CATSPERT: variants seen among roughly 807,000 people sequenced by gnomAD.
CATSPERT encodes catsper channel auxiliary subunit tau.
chr2:201,563,473 C>CCT, the CATSPERT span, among the ~76,000 whole-genome samples: 3 of 110,534 alleles, frequency 2.7e-5, no homozygotes, highest in East Asian at 1.2e-3. Context: ...GGGCTGACCC[C>CCT]CCACCTCCCT....
chr2:201,491,982 A>G, the CATSPERT span: 1 of 1,537,056 alleles, frequency 6.5e-7, no homozygotes, highest in South Asian at 1.2e-5. Context: ...TTTCATTGGA[A>G]GAAGGTTGTA....
the CATSPERT span, chr2:201,565,705 ATTTTTT>A: frequency 6.7e-5 from 90 of 1,344,618 alleles, no homozygotes; most frequent in Admixed American, 3.1e-4. Context: ...GCTCTTTTGA[ATTTTTT>A]TTTTTTTTTT....
chr2:201,548,894 T>C, the CATSPERT span, among the ~76,000 whole-genome samples: 1 of 152,068 alleles, frequency 6.6e-6, no homozygotes, highest in African/African-American at 2.4e-5. Flanking sequence ...CATGGTAAGA[T>C]CTAAAGGGCC....
chr2:201,583,986 C>G, the CATSPERT span, among the ~76,000 whole-genome samples: 1 of 152,122 alleles, frequency 6.6e-6, no homozygotes, highest in Admixed American at 6.6e-5. Flanking sequence ...ATCAACTCAA[C>G]CACAAATCTG....
the CATSPERT span, among the ~76,000 whole-genome samples, chr2:201,589,988 AT>A: frequency 1.3e-5 from 2 of 151,394 alleles, no homozygotes; most frequent in Admixed American, 6.6e-5. Context: ...TTATTTATTT[AT>A]TTATTATTAT....
At chr2:201,601,772 A>T in the CATSPERT span, 1 of 1,612,064 alleles carries the variant, frequency 6.2e-7, no homozygotes, top group Non-Finnish European at 8.5e-7. Flanking sequence ...CATCGAACTT[A>T]ATTACAGTGT....
the CATSPERT span, among the ~76,000 whole-genome samples, chr2:201,542,636 A>G: frequency 6.6e-6 from 1 of 152,190 alleles, no homozygotes; most frequent in Admixed American, 6.5e-5. Flanking sequence ...TTGTATACCC[A>G]TTGGACACTT....
At chr2:201,569,483 G>A in the CATSPERT span, among the ~76,000 whole-genome samples, 1 of 152,176 alleles carries the variant, frequency 6.6e-6, no homozygotes, top group Non-Finnish European at 1.5e-5. Flanking sequence ...CTTGCCTTTG[G>A]TAGTTGAGTA....
the CATSPERT span, among the ~76,000 whole-genome samples, chr2:201,510,564 T>C: frequency 8.5e-5 from 13 of 152,276 alleles, no homozygotes; most frequent in Non-Finnish European, 1.8e-4. Flanking sequence ...ACACTAGGGA[T>C]TGGGGCTGGG....
the CATSPERT span, chr2:201,604,765 A>G: frequency 8.8e-7 from 1 of 1,131,964 alleles, no homozygotes; most frequent in South Asian, 1.5e-5. Flanking sequence ...CATCAATTCA[A>G]TAATTATTGT....
At chr2:201,615,734 C>CA in the CATSPERT span, among the ~76,000 whole-genome samples, 7 of 151,836 alleles carry the variant, frequency 4.6e-5, no homozygotes, top group South Asian at 8.3e-4. Context: ...GATAGAGACA[C>CA]AAAAAAACCT....
the CATSPERT span, chr2:201,545,748 C>A: frequency 3.9e-6 from 2 of 517,190 alleles, no homozygotes; most frequent in South Asian, 1.2e-4. Context: ...TCCTCCACAC[C>A]CAAATTTACA....
chr2:201,605,829 C>T, the CATSPERT span, among the ~76,000 whole-genome samples: 5 of 151,980 alleles, frequency 3.3e-5, no homozygotes, highest in Admixed American at 3.3e-4. Flanking sequence ...ATTTATTCAA[C>T]AATTAAAACA....
At chr2:201,616,292 G>A in the CATSPERT span, among the ~76,000 whole-genome samples, 96 of 152,192 alleles carry the variant, frequency 6.3e-4, no homozygotes, top group African/African-American at 2.1e-3. Flanking sequence ...GATGAACATC[G>A]ATGCAAAAAT....
At chr2:201,487,619 C>T in the CATSPERT span, 1 of 1,609,896 alleles carries the variant, frequency 6.2e-7, no homozygotes, top group Non-Finnish European at 8.5e-7. Context: ...TTTTCAATAT[C>T]CTCTTTTAAT....
the CATSPERT span, among the ~76,000 whole-genome samples, chr2:201,524,727 C>G: frequency 6.6e-6 from 1 of 152,138 alleles, no homozygotes; most frequent in Non-Finnish European, 1.5e-5. Context: ...AAAGACCCAT[C>G]TCACATGCAA....
the CATSPERT span, among the ~76,000 whole-genome samples, chr2:201,595,763 C>T: frequency 1.1e-4 from 17 of 152,190 alleles, no homozygotes; most frequent in East Asian, 1.7e-3. Flanking sequence ...CACAGACAAA[C>T]GGATACTTTT....
chr2:201,541,529 TTTTA>T, the CATSPERT span, among the ~76,000 whole-genome samples: 3 of 69,112 alleles, frequency 4.3e-5, no homozygotes, highest in South Asian at 9.3e-4. Context: ...GCTCAGATGA[TTTTA>T]TATATATATA....
chr2:201,504,542 T>C, the CATSPERT span, among the ~76,000 whole-genome samples: 1 of 152,172 alleles, frequency 6.6e-6, no homozygotes, highest in Non-Finnish European at 1.5e-5. Flanking sequence ...TTCAGGAATT[T>C]ACCCACAAAC....
Sources: allele counts gnomAD v4.1 joint callset (sites outside exome capture counted in the v4.1 genomes callset), GRCh38; gene constraint gnomAD v4.1.1; transcripts MANE v1.5; gene names NCBI Gene and HGNC (gene_info 2026-07-23, HGNC 2026-07-21).